The following AGBL1 variants were observed in gnomAD, a reference collection of about 807,000 sequenced individuals.
AGBL1 encodes AGBL carboxypeptidase 1, also known as cytosolic carboxypeptidase 4.
In AGBL1, 130 loss-of-function variants were observed where a neutral mutation model predicts 118.9. The ratio of observed to expected loss-of-function variants is 1.09; its 90% CI spans 0.95 to 1.26. The LOEUF (loss-of-function observed/expected upper bound fraction) is 1.26, where lower values mean the gene tolerates loss of function less well. Among genes scored for constraint, AGBL1 ranks in the 50% most tolerant of loss-of-function variants. AGBL1 has a pLI of 0.00. For synonymous variants in AGBL1, 555 were observed against 478.9 expected (o/e 1.16, Z -2.08); for missense variants, 1,584 against 1,298.1 (o/e 1.22, Z -3.38).
chr15:86,492,578 A>G (rs867430821), intron 18 of AGBL1, among the ~76,000 whole-genome samples: 14 of 145,142 alleles, frequency 9.6e-5, no homozygotes, highest in African/African-American at 2.0e-4. Flanking sequence ...TGAAAGAGCG[A>G]GACTCTATCA....
At chr15:86,601,158 T>G (rs2084487082) in intron 21 of AGBL1, among the ~76,000 whole-genome samples, 1 of 151,972 alleles carries the variant, frequency 6.6e-6, no homozygotes, top group Non-Finnish European at 1.5e-5. Flanking sequence ...AAGGAAATGG[T>G]GGGAATAATA....
chr15:86,790,570 AT>A (rs1286817316), intron 22 of AGBL1, among the ~76,000 whole-genome samples: 1 of 152,216 alleles, frequency 6.6e-6, no homozygotes, highest in Non-Finnish European at 1.5e-5. Flanking sequence ...GATATAGATG[AT>A]GACCATTTGG....
chr15:86,529,794 G>A (rs1596231087), intron 19 of AGBL1, among the ~76,000 whole-genome samples: 1 of 151,516 alleles, frequency 6.6e-6, no homozygotes, highest in African/African-American at 2.4e-5. Flanking sequence ...AGAGACTGGG[G>A]GCCAATATTC....
intron 21 of AGBL1, among the ~76,000 whole-genome samples, chr15:86,617,356 A>G (rs1458276963): frequency 6.6e-6 from 1 of 152,218 alleles, no homozygotes; most frequent in Non-Finnish European, 1.5e-5. Flanking sequence ...GAGATTGGAA[A>G]GAACTGCCCA....
intron 1 of AGBL1, among the ~76,000 whole-genome samples, chr15:86,101,087 A>AT (rs1167206562): frequency 2.6e-5 from 4 of 152,142 alleles, no homozygotes; most frequent in African/African-American, 9.6e-5. Context: ...GTTTCAAGAA[A>AT]TTTTTTTATT....
At chr15:86,947,374 T>G (rs1467545155) in intron 23 of AGBL1, among the ~76,000 whole-genome samples, 2 of 152,192 alleles carry the variant, frequency 1.3e-5, no homozygotes, top group Non-Finnish European at 2.9e-5. Context: ...TAAAATTTAG[T>G]ATTCCTTCAG....
At chr15:86,924,309 A>G (rs2080509442) in intron 23 of AGBL1, among the ~76,000 whole-genome samples, 1 of 152,224 alleles carries the variant, frequency 6.6e-6, no homozygotes, top group South Asian at 2.1e-4. Flanking sequence ...GGACATAGAG[A>G]ATTTTTAATC....
In AGBL1 at chr15:86,911,875, C is replaced by T. The variant is rs1279494558; in HGVS notation, c.*4581C>T. The T allele has an allele frequency of 1.3e-5, 2 of 152,066 alleles. No homozygotes were observed. The highest frequency in any genetic ancestry group is 2.4e-5 in the African/African-American group (1 of 41,384). 9.4% of individuals were successfully genotyped at this position (152,066 alleles called of 1,614,324 possible). A position where few individuals can be genotyped will look rare whatever the true frequency, so the allele number is the denominator to read the frequency against. On this transcript the variant is annotated 3_prime_UTR_variant, in exon 23 of 23. Transcript: ENST00000614907. ...GCACTGTTTATATATCTCTTTTATA[C>T]TATGCTTATTTTTAACTTGATAAAT...
intron 5 of AGBL1, among the ~76,000 whole-genome samples, chr15:86,189,048 T>G (rs1029512079): frequency 2.0e-5 from 3 of 152,196 alleles, no homozygotes; most frequent in Non-Finnish European, 2.9e-5. Flanking sequence ...TAAGACAGCT[T>G]CAGAATTGAG....
intron 1 of AGBL1, among the ~76,000 whole-genome samples, chr15:86,139,392 T>A (rs2076931405): frequency 6.6e-6 from 1 of 152,210 alleles, no homozygotes; most frequent in Non-Finnish European, 1.5e-5. Context: ...ACCCCGGGAT[T>A]CTCTTGAGAA....
intron 22 of AGBL1, among the ~76,000 whole-genome samples, chr15:86,814,536 C>A (rs1024987485): frequency 6.6e-6 from 1 of 152,180 alleles, no homozygotes; most frequent in African/African-American, 2.4e-5. Flanking sequence ...CACAGAAACA[C>A]ATTCTCTGGA....
intron 21 of AGBL1, among the ~76,000 whole-genome samples, chr15:86,635,053 T>C (rs2142447990): frequency 6.6e-6 from 1 of 152,308 alleles, no homozygotes; most frequent in Admixed American, 6.5e-5. Flanking sequence ...AATTGTTTTA[T>C]GAATTAGGAG....
At position 86,546,085 on chromosome 15, in the gene AGBL1, A is replaced by T. The variant is rs1283602263; in HGVS notation, c.2769A>T (p.Ala923=). The part of the protein sequence containing the change: ...GCSIKETLWQ[A]ACTVGTSTIL... Reference sequence around the variant, plus strand: ...GCATCAAGGAAACCTTGTGGCAAGCAGCATGCACTGTGGGCACATCTACTA... The same window carrying T: ...GCATCAAGGAAACCTTGTGGCAAGCTGCATGCACTGTGGGCACATCTACTA... The change falls in exon 20 of 23, where the codon GCA becomes GCT. Residue 923 remains alanine, a synonymous_variant. Coordinates refer to ENST00000614907, the MANE Select transcript of AGBL1 (RefSeq NM_001386094.1). 1 of 1,613,520 alleles carries T rather than the reference A, an allele frequency of 6.2e-7. No homozygotes were observed. The highest frequency in any genetic ancestry group is 1.1e-5 in the South Asian group (1 of 91,064).
chr15:86,863,134 G>C (rs528881770), intron 22 of AGBL1, among the ~76,000 whole-genome samples: 1 of 152,290 alleles, frequency 6.6e-6, no homozygotes, highest in African/African-American at 2.4e-5. Flanking sequence ...TAAATAGAAA[G>C]AGCATGTGGA....
At chr15:86,874,004 T>A (rs2079767829) in intron 22 of AGBL1, among the ~76,000 whole-genome samples, 1 of 152,176 alleles carries the variant, frequency 6.6e-6, no homozygotes, top group Admixed American at 6.5e-5. Flanking sequence ...TCATTTACTA[T>A]ATCTTTTCTC....
intron 24 of AGBL1, among the ~76,000 whole-genome samples, chr15:87,025,196 G>A (rs896588064): frequency 2.6e-5 from 4 of 151,980 alleles, no homozygotes; most frequent in Non-Finnish European, 4.4e-5. Context: ...AACTGCTGCT[G>A]TTTGCTGATG....
At chr15:86,652,063 A>C (rs2085380576) in intron 21 of AGBL1, among the ~76,000 whole-genome samples, 1 of 152,112 alleles carries the variant, frequency 6.6e-6, no homozygotes, top group African/African-American at 2.4e-5. Flanking sequence ...AGTGATCTTC[A>C]CTAACTTCAT....
chr15:86,146,492 C>G (rs2077035321), intron 3 of AGBL1, among the ~76,000 whole-genome samples: 1 of 152,178 alleles, frequency 6.6e-6, no homozygotes, highest in East Asian at 1.9e-4. Context: ...AGGGATGACT[C>G]TACTTAATTC....
At chr15:86,145,629 T>C (rs939989066) in intron 3 of AGBL1, among the ~76,000 whole-genome samples, 9 of 152,332 alleles carry the variant, frequency 5.9e-5, no homozygotes, top group African/African-American at 1.9e-4. Context: ...AACATGCTGC[T>C]GATAATGATG....
Sources: allele counts gnomAD v4.1 joint callset (sites outside exome capture counted in the v4.1 genomes callset), GRCh38; gene constraint gnomAD v4.1.1; transcripts MANE v1.5; gene names NCBI Gene and HGNC (gene_info 2026-07-23, HGNC 2026-07-21).